CNTN4: variants seen among roughly 807,000 people sequenced by gnomAD.
The protein encoded by CNTN4 is contactin 4.
A neutral mutation model predicts 122.5 loss-of-function variants in CNTN4; 77 were observed. That is an observed-to-expected ratio of 0.63 (90% CI 0.52 to 0.76). The LOEUF is 0.76. Ranked by LOEUF, CNTN4 falls within the 30% of genes least tolerant of loss-of-function variation. The pLI is 0.00. For missense variants in CNTN4, 1,256 were observed against 1,259.1 expected (o/e 1.00, Z 0.04); for synonymous variants, 512 against 447.0 (o/e 1.15, Z -1.83).
intron 3 of CNTN4, among the ~76,000 whole-genome samples, chr3:2,403,583 C>G (rs1417039336): frequency 3.3e-5 from 5 of 152,156 alleles, no homozygotes; most frequent in Non-Finnish European, 7.3e-5. Flanking sequence ...GTAAATCACT[C>G]TTAGTAAATT....
At chr3:2,309,619 G>A (rs143625393) in intron 2 of CNTN4, among the ~76,000 whole-genome samples, 2,660 of 152,144 alleles carry the variant, frequency 0.017, 32 homozygotes, top group African/African-American at 0.038. Context: ...ACCCTGTTTA[G>A]GTAATTGTTG....
chr3:2,625,534 A>G (rs2082150761), intron 4 of CNTN4, among the ~76,000 whole-genome samples: 1 of 152,058 alleles, frequency 6.6e-6, no homozygotes, highest in African/African-American at 2.4e-5. Context: ...TTATTCCACT[A>G]CTTTTATGGT....
At chr3:2,749,000 T>C (rs1295598485) in intron 6 of CNTN4, among the ~76,000 whole-genome samples, 1 of 152,200 alleles carries the variant, frequency 6.6e-6, no homozygotes, top group African/African-American at 2.4e-5. Context: ...TGACTTCTTA[T>C]GATCCTCACT....
At chr3:2,635,106 T>C (rs2150069385) in intron 4 of CNTN4, among the ~76,000 whole-genome samples, 1 of 152,238 alleles carries the variant, frequency 6.6e-6, no homozygotes, top group East Asian at 1.9e-4. Context: ...GTGAGCGATG[T>C]TGCTGTATTA....
intron 14 of CNTN4, among the ~76,000 whole-genome samples, chr3:2,999,829 A>T (rs1310716219): frequency 6.6e-6 from 1 of 152,140 alleles, no homozygotes; most frequent in African/African-American, 2.4e-5. Flanking sequence ...CATAGAAGGG[A>T]TTTATGTCAA....
At chr3:2,218,913 A>G (rs1415051144) in intron 2 of CNTN4, among the ~76,000 whole-genome samples, 1 of 152,218 alleles carries the variant, frequency 6.6e-6, no homozygotes, top group Non-Finnish European at 1.5e-5. Context: ...TAGGAACTGT[A>G]GGAAGCTGTG....
At chr3:2,349,929 A>G (rs1720194) in intron 3 of CNTN4, among the ~76,000 whole-genome samples, 56,183 of 151,958 alleles carry the variant, frequency 0.37, 10,779 homozygotes, top group African/African-American at 0.45. Flanking sequence ...AACAGGATGA[A>G]ATAGCATACA....
intron 13 of CNTN4, among the ~76,000 whole-genome samples, chr3:2,930,977 G>A (rs73805454): frequency 0.016 from 2,502 of 152,288 alleles, 64 homozygotes; most frequent in African/African-American, 0.057. Flanking sequence ...AGATTGTGGA[G>A]GCCTTGTATT....
At chr3:2,336,226 G>T (rs1720185) in intron 2 of CNTN4, among the ~76,000 whole-genome samples, 102,515 of 151,690 alleles carry the variant, frequency 0.68, 35,276 homozygotes, top group East Asian at 0.95. Context: ...GTTTATTTGG[G>T]GGGGGGAGGT....
intron 4 of CNTN4, among the ~76,000 whole-genome samples, chr3:2,728,051 G>T (rs765852132): frequency 6.6e-5 from 10 of 152,090 alleles, no homozygotes; most frequent in Non-Finnish European, 1.2e-4. Context: ...TAGGCACTTG[G>T]GTAAGGCCTT....
intron 6 of CNTN4, among the ~76,000 whole-genome samples, chr3:2,787,096 G>T (rs967150324): frequency 2.6e-5 from 4 of 152,122 alleles, no homozygotes; most frequent in African/African-American, 9.7e-5. Context: ...AAGAAAATCG[G>T]CCAGGCGCGG....
chr3:2,861,656 A>G (rs2093672816), intron 7 of CNTN4, among the ~76,000 whole-genome samples: 1 of 152,160 alleles, frequency 6.6e-6, no homozygotes, highest in Non-Finnish European at 1.5e-5. Flanking sequence ...ACTTAACTCT[A>G]ATATCTTCCT....
chr3:2,427,382 T>G (rs1190465299), intron 3 of CNTN4, among the ~76,000 whole-genome samples: 2 of 152,214 alleles, frequency 1.3e-5, no homozygotes, highest in African/African-American at 4.8e-5. Flanking sequence ...TTGAGCAGTT[T>G]TGAGTGAGTT....
At chr3:2,430,295 G>C (rs373285967) in intron 3 of CNTN4, among the ~76,000 whole-genome samples, 1 of 151,746 alleles carries the variant, frequency 6.6e-6, no homozygotes, top group Non-Finnish European at 1.5e-5. Flanking sequence ...GGTGGCGGGC[G>C]CCTGTAGTCC....
intron 2 of CNTN4, among the ~76,000 whole-genome samples, chr3:2,108,165 CTTT>C (rs55760208): frequency 6.4e-5 from 8 of 124,050 alleles, no homozygotes; most frequent in Non-Finnish European, 6.7e-5. Flanking sequence ...TGTGCCTTTT[CTTT>C]TTTTTTTTTT....
intron 6 of CNTN4, among the ~76,000 whole-genome samples, chr3:2,817,542 G>GA (rs1174967746): frequency 6.6e-6 from 1 of 152,102 alleles, no homozygotes; most frequent in Non-Finnish European, 1.5e-5. Flanking sequence ...AACTAAGAAG[G>GA]AAAAAACATG....
intron 2 of CNTN4, among the ~76,000 whole-genome samples, chr3:2,228,746 T>C (rs61633236): frequency 0.078 from 11,812 of 152,196 alleles, 791 homozygotes; most frequent in African/African-American, 0.18. Context: ...GAATGACTAT[T>C]AGAGTTTAGA....
At chr3:2,722,632 G>A (rs2087934804) in intron 4 of CNTN4, among the ~76,000 whole-genome samples, 1 of 152,080 alleles carries the variant, frequency 6.6e-6, no homozygotes, top group African/African-American at 2.4e-5. Flanking sequence ...CCTCTCTTTT[G>A]ATAAGCCTGT....
At chr3:3,022,211 T>C (rs1414250640) in intron 14 of CNTN4, among the ~76,000 whole-genome samples, 2 of 151,898 alleles carry the variant, frequency 1.3e-5, no homozygotes, top group Non-Finnish European at 2.9e-5. Context: ...GCCTCTGCAC[T>C]CCAACCTCAG....
Sources: gnomAD v4.1 joint callset for allele counts (sites outside exome capture counted in the v4.1 genomes callset) on GRCh38, gnomAD v4.1.1 for gene constraint, MANE v1.5 for transcripts, NCBI Gene and HGNC (gene_info 2026-07-23, HGNC 2026-07-21) for gene names.